The following VPS37A variants were observed in gnomAD, a reference collection of about 807,000 sequenced individuals.
The protein encoded by VPS37A is vacuolar protein sorting-associated protein 37A.
In VPS37A, 30 loss-of-function variants were observed where a neutral mutation model predicts 49.8. The observed-to-expected ratio is 0.60, with a 90% confidence interval of 0.45 to 0.82. VPS37A has a LOEUF of 0.82. Ranked by LOEUF, VPS37A falls within the 40% of genes least tolerant of loss-of-function variation. VPS37A has a pLI of 0.00. For synonymous variants in VPS37A, 195 were observed against 160.6 expected (o/e 1.21, Z -1.62); for missense variants, 593 against 464.4 (o/e 1.28, Z -2.55).
chr8:17,289,404 T>G (rs939507092), intron 11 of VPS37A, among the ~76,000 whole-genome samples: 2 of 152,158 alleles, frequency 1.3e-5, no homozygotes, highest in Non-Finnish European at 2.9e-5. Context: ...AGGGGTCCAT[T>G]TTTAGTTTTC....
chr8:17,279,184 T>C (rs1003776526), intron 6 of VPS37A, among the ~76,000 whole-genome samples: 1 of 152,142 alleles, frequency 6.6e-6, no homozygotes, highest in Non-Finnish European at 1.5e-5. Context: ...TGCCGTGTCT[T>C]ACTGGTCCTA....
the VPS37A span, among the ~76,000 whole-genome samples, chr8:17,321,320 T>C: frequency 6.6e-6 from 1 of 152,226 alleles, no homozygotes; most frequent in Non-Finnish European, 1.5e-5. Flanking sequence ...CGCTTCTCTG[T>C]CCAGTTAGCT....
intron 10 of VPS37A, among the ~76,000 whole-genome samples, chr8:17,285,522 A>G (rs1403063572): frequency 6.6e-6 from 1 of 152,242 alleles, no homozygotes; most frequent in African/African-American, 2.4e-5. Context: ...GTCTGAAATA[A>G]TCACATTTTA....
chr8:17,289,553 G>A (rs1015454511), intron 11 of VPS37A, among the ~76,000 whole-genome samples: 1 of 152,066 alleles, frequency 6.6e-6, no homozygotes, highest in African/African-American at 2.4e-5. Flanking sequence ...TGTTCCATTG[G>A]TCTGTATGTC....
At chr8:17,272,087 A>G (rs1814048480) in intron 4 of VPS37A, 1 of 456,550 alleles carries the variant, frequency 2.2e-6, no homozygotes, top group South Asian at 1.5e-5. Context: ...TTTCCATATT[A>G]TTGCATGCAG....
chr8:17,306,957 A>G (rs1377108657), downstream of VPS37A, among the ~76,000 whole-genome samples: 1 of 152,210 alleles, frequency 6.6e-6, no homozygotes, highest in Non-Finnish European at 1.5e-5. Flanking sequence ...CCTAGGCAAT[A>G]CCATTCAGGA....
chr8:17,258,435 C>G (rs1812673432), intron 1 of VPS37A, among the ~76,000 whole-genome samples: 1 of 152,088 alleles, frequency 6.6e-6, no homozygotes, highest in Non-Finnish European at 1.5e-5. Flanking sequence ...ATGGATATAT[C>G]ACATTTATTG....
chr8:17,284,371 A>C, intron 9 of VPS37A, 102 bp from the exon 10 acceptor site: 1 of 1,337,288 alleles, frequency 7.5e-7, no homozygotes, highest in Non-Finnish European at 1.0e-6. Flanking sequence ...TATATAGGGC[A>C]TATAATAAAT....
intron 4 of VPS37A, among the ~76,000 whole-genome samples, chr8:17,273,524 G>A (rs1400432197): frequency 2.0e-5 from 3 of 151,872 alleles, no homozygotes; most frequent in Admixed American, 6.6e-5. Context: ...CCACCACTAC[G>A]CCCAGCTAAT....
intron 9 of VPS37A, among the ~76,000 whole-genome samples, chr8:17,282,804 G>T (rs559695835): frequency 6.6e-6 from 1 of 152,060 alleles, no homozygotes; most frequent in African/African-American, 2.4e-5. Context: ...GATGTTCTCA[G>T]TCAAAATTTT....
chr8:17,268,466 C>G, intron 3 of VPS37A, 94 bp downstream of exon 3: 3 of 938,610 alleles, frequency 3.2e-6, no homozygotes, highest in African/African-American at 1.7e-5. Flanking sequence ...TTTAAAGTTT[C>G]ATTTTGTCAT....
At chr8:17,276,308 T>C in intron 5 of VPS37A, 89 bp from the exon 6 acceptor site, 1 of 976,400 alleles carries the variant, frequency 1.0e-6, no homozygotes, top group Non-Finnish European at 1.6e-6. Context: ...AGTTATGGGA[T>C]ATAGTACATT....
At chr8:17,309,155 G>A in the VPS37A span, 1 of 672,888 alleles carries the variant, frequency 1.5e-6, no homozygotes, top group Admixed American at 2.9e-5. Context: ...CAAAATTTAA[G>A]CTTTCTGAAT....
At chr8:17,255,940 G>C (rs1812406836) in intron 1 of VPS37A, among the ~76,000 whole-genome samples, 1 of 152,142 alleles carries the variant, frequency 6.6e-6, no homozygotes, top group South Asian at 2.1e-4. Context: ...TTCATTTGTT[G>C]ATGTGTACTT....
intron 5 of VPS37A, among the ~76,000 whole-genome samples, chr8:17,276,044 T>G (rs1814480749): frequency 6.6e-6 from 1 of 152,154 alleles, no homozygotes; most frequent in South Asian, 2.1e-4. Flanking sequence ...AGACTGTTGA[T>G]AAATTATTGC....
At chr8:17,252,064 T>C (rs1257680230) in intron 1 of VPS37A, among the ~76,000 whole-genome samples, 1 of 152,216 alleles carries the variant, frequency 6.6e-6, no homozygotes, top group Non-Finnish European at 1.5e-5. Flanking sequence ...AATGAAGGGA[T>C]GTGTATGTCT....
chr8:17,322,141 C>A, the VPS37A span, among the ~76,000 whole-genome samples: 1 of 152,030 alleles, frequency 6.6e-6, no homozygotes, highest in Non-Finnish European at 1.5e-5. Flanking sequence ...TGCCTGTTGG[C>A]TCTGTCCTCT....
intron 1 of VPS37A, among the ~76,000 whole-genome samples, chr8:17,250,618 T>G (rs1399154559): frequency 6.6e-6 from 1 of 152,200 alleles, no homozygotes; most frequent in Non-Finnish European, 1.5e-5. Flanking sequence ...TCTACCCCAT[T>G]CTGTCATCTC....
the VPS37A span, among the ~76,000 whole-genome samples, chr8:17,328,870 G>A: frequency 3.9e-5 from 6 of 152,056 alleles, no homozygotes; most frequent in Non-Finnish European, 2.9e-5. Context: ...CTCTCCTTAC[G>A]AAATACAGAT....
Sources: gnomAD v4.1 joint callset for allele counts (sites outside exome capture counted in the v4.1 genomes callset) on GRCh38, gnomAD v4.1.1 for gene constraint, MANE v1.5 for transcripts, NCBI Gene and HGNC (gene_info 2026-07-23, HGNC 2026-07-21) for gene names.